SRP19: variants seen among roughly 807,000 people sequenced by gnomAD.
SRP19 encodes signal recognition particle 19 kDa protein.
A neutral mutation model predicts 22.4 loss-of-function variants in SRP19; 11 were observed. The ratio of observed to expected loss-of-function variants is 0.49; its 90% CI spans 0.31 to 0.81. The LOEUF is 0.81. Ranked by LOEUF, SRP19 falls within the 40% of genes least tolerant of loss-of-function variation. SRP19 has a pLI of 0.05. For synonymous variants in SRP19, 61 were observed against 57.6 expected, an observed-to-expected ratio of 1.06 and a Z score of -0.27; for missense variants, 168 against 175.9, an observed-to-expected ratio of 0.96 and a Z score of 0.25.
rs1767451715 is a variant in SRP19, at chr5:112,862,682, C to A, written c.117+99C>A. 2.9e-6 allele frequency: 3 copies of A among 1,029,332 alleles called. No homozygotes were observed. In the East Asian group the frequency reaches 7.7e-5, roughly 27 times the overall value. The allele number at this position is 1,029,332 out of a possible 1,614,324, so 63.8% of individuals were successfully genotyped here. ...TTAGAGCCGCAGGGGGTTCTCTTCACTGCATTTATTTAGGGCTTGAGAACA... is the reference window on the plus strand; with the variant it reads ...TTAGAGCCGCAGGGGGTTCTCTTCAATGCATTTATTTAGGGCTTGAGAACA... On this transcript the variant is annotated intron_variant, in intron 2 of 4. Transcript: ENST00000505459.
intron 4 of SRP19, among the ~76,000 whole-genome samples, chr5:112,874,921 A>C (rs571138410): frequency 1.3e-5 from 2 of 152,080 alleles, no homozygotes; most frequent in Admixed American, 1.3e-4. Flanking sequence ...GATTACAGGA[A>C]TGCACCACCA....
intron 4 of SRP19, among the ~76,000 whole-genome samples, chr5:112,881,073 G>T (rs1438367855): frequency 7.1e-6 from 1 of 141,764 alleles, no homozygotes; most frequent in African/African-American, 2.7e-5. Flanking sequence ...AGGCTGCAGT[G>T]AGCTGAGATC....
chr5:112,893,113 A>AAAAAAAAAAAAAAAAAAAAAAAAAT (rs1768549990), downstream of SRP19: 1 of 844,440 alleles, frequency 1.2e-6, no homozygotes, highest in Non-Finnish European at 1.7e-6. Flanking sequence ...AAAAAAAAAA[A>AAAAAAAAAAAAAAAAAAAAAAAAAT]AAAAGAATGG....
At chr5:112,891,620 G>A in exon 5 of SRP19, 2 of 1,583,338 alleles carry the variant, frequency 1.3e-6, no homozygotes, top group African/African-American at 1.3e-5. Flanking sequence ...ATGTCTGAGG[G>A]GTCAGGCGGT....
At chr5:112,885,685 C>A in intron 4 of SRP19, 1 of 307,444 alleles carries the variant, frequency 3.3e-6, no homozygotes, top group Non-Finnish European at 6.7e-6. Context: ...CAATTCCTAA[C>A]CAGCCTCCCT....
At chr5:112,891,819 A>G in exon 5 of SRP19, 1 of 1,587,280 alleles carries the variant, frequency 6.3e-7, no homozygotes, top group Non-Finnish European at 8.7e-7. Flanking sequence ...TTATTGAAGA[A>G]CAACAACTAG....
chr5:112,879,725 C>G (rs985451947), intron 4 of SRP19, among the ~76,000 whole-genome samples: 1 of 152,048 alleles, frequency 6.6e-6, no homozygotes, highest in Non-Finnish European at 1.5e-5. Context: ...ATCTGCCCGC[C>G]TTGGCCTCCC....
At chr5:112,897,294 T>G (rs1197389266), downstream of SRP19, 1 of 147,828 alleles carries the variant, frequency 6.8e-6, no homozygotes, top group African/African-American at 2.5e-5. Context: ...ATAGGAAGAC[T>G]ACTCTAAGAT....
chr5:112,864,437 TTA>T lies in SRP19; in HGVS notation c.118-18_118-17del. The T allele has an allele frequency of 6.2e-7, 1 of 1,606,200 alleles. No individual in the cohort carries two copies. The highest frequency in any genetic ancestry group is 8.5e-7 in the Non-Finnish European group (1 of 1,174,178). On this transcript the variant is annotated intron_variant, in intron 2 of 4. Transcript: ENST00000505459. ...CACTTAAAGCACATATATTTAGTGT[TTA>T]TGTTTTTAACTGTTCAGGCTGTTGA...
intron 1 of SRP19, 67 bp from the exon 2 acceptor site, chr5:112,862,441 C>T (rs1020924298): frequency 1.4e-6 from 2 of 1,430,776 alleles, no homozygotes; most frequent in East Asian, 2.3e-5. Context: ...TGGTTCCCTG[C>T]CACCCGACCC....
At chr5:112,874,564 C>T (rs1767852003), downstream of SRP19, among the ~76,000 whole-genome samples, 1 of 152,164 alleles carries the variant, frequency 6.6e-6, no homozygotes, top group Non-Finnish European at 1.5e-5. Flanking sequence ...GTCCGAAAAC[C>T]TCTGTGTATT....
At chr5:112,874,621 G>T (rs1561642647), downstream of SRP19, among the ~76,000 whole-genome samples, 1 of 152,102 alleles carries the variant, frequency 6.6e-6, no homozygotes, top group Non-Finnish European at 1.5e-5. Context: ...TTATCTCAAA[G>T]TGCAGTTCCT....
rs1307168166 is a variant in SRP19, at chr5:112,864,459, T to C, written c.120T>C (p.Ala40=). Residue 40 remains alanine (A), a splice_region_variant and synonymous_variant, in exon 3 of 5, where the codon GCT becomes GCC. Transcript: ENST00000505459. ...AEGRRIPISK[A]VENPTATEIQ... is the part of the protein sequence containing the mutation. ...TGTTTATGTTTTTAACTGTTCAGGC[T>C]GTTGAAAATCCTACAGCTACAGAGA... is the stretch of plus-strand genomic sequence containing the variant. The C allele has an allele frequency of 1.2e-6, 2 of 1,613,182 alleles. No individual in the cohort carries two copies. The highest frequency in any genetic ancestry group is 2.7e-5 in the African/African-American group (2 of 75,022).
downstream of SRP19, chr5:112,893,110 A>G (rs767771070): frequency 1.2e-5 from 13 of 1,049,956 alleles, no homozygotes; most frequent in Middle Eastern, 6.7e-4. Context: ...AAAAAAAAAA[A>G]AAAAAAAGAA....
At chr5:112,869,790 G>T (rs1400905264), downstream of SRP19, 2 of 152,330 alleles carry the variant, frequency 1.3e-5, no homozygotes, top group South Asian at 2.1e-4. Flanking sequence ...CCATCTTGCT[G>T]CCCTGTGAAG....
At chr5:112,892,148 T>C (rs768423518) in exon 5 of SRP19, 3 of 1,614,028 alleles carry the variant, frequency 1.9e-6, no homozygotes, top group Admixed American at 1.7e-5. Flanking sequence ...TTCAGAGTAA[T>C]GGAGAAGGAT....
chr5:112,865,884 C>G (rs2150026677), intron 4 of SRP19, among the ~76,000 whole-genome samples: 1 of 152,080 alleles, frequency 6.6e-6, no homozygotes, highest in East Asian at 1.9e-4. Flanking sequence ...AAGCCACTGC[C>G]CCCGGCCTGA....
chr5:112,891,694 C>G, exon 5 of SRP19: 1 of 1,613,896 alleles, frequency 6.2e-7, no homozygotes, highest in Non-Finnish European at 8.5e-7. Flanking sequence ...TCCAGAGAAA[C>G]CAAGCCACAA....
At position 112,878,737 on chromosome 5, in the gene SRP19, C is replaced by T. The variant is rs368437325; in HGVS notation, c.302-12866C>T. On this transcript the variant is annotated intron_variant, in intron 4 of 4. Transcript: ENST00000391338. Reference sequence around the variant, plus strand: ...CCACAGTCCCTAATATAACATCAAGCTCCAGTAGGAAGGTACAGAGAGGGC... The same window carrying T: ...CCACAGTCCCTAATATAACATCAAGTTCCAGTAGGAAGGTACAGAGAGGGC... 4.5e-5 allele frequency: 72 copies of T among 1,607,406 alleles called. No individual in the cohort carries two copies. In the African/African-American group the frequency reaches 8.3e-4, roughly 19 times the overall value.
Sources: gnomAD v4.1 joint callset for allele counts (sites outside exome capture counted in the v4.1 genomes callset) on GRCh38, gnomAD v4.1.1 for gene constraint, MANE v1.5 for transcripts, NCBI Gene and HGNC (gene_info 2026-07-23, HGNC 2026-07-21) for gene names.